Variants in CCSER1 observed in about 807,000 individuals in gnomAD.
The protein encoded by CCSER1 is serine-rich coiled-coil domain-containing protein 1.
In CCSER1, 41 loss-of-function variants were observed where a neutral mutation model predicts 82.0. The ratio of observed to expected loss-of-function variants is 0.50; its 90% CI spans 0.39 to 0.65. CCSER1 has a LOEUF of 0.65. Among genes scored for constraint, CCSER1 ranks in the 30% least tolerant of loss-of-function variants. The pLI is 0.00. For synonymous variants in CCSER1, 414 were observed against 383.9 expected, an observed-to-expected ratio of 1.08 and a Z score of -0.92; for missense variants, 1,119 against 1,064.2, an observed-to-expected ratio of 1.05 and a Z score of -0.72.
chr4:90,263,030 C>T (rs1251942430), intron 1 of CCSER1, among the ~76,000 whole-genome samples: 1 of 152,150 alleles, frequency 6.6e-6, no homozygotes, highest in African/African-American at 2.4e-5. Context: ...ACAAGGGCCC[C>T]TTCTCCAAGA....
chr4:90,686,626 C>G (rs944801487), intron 6 of CCSER1, among the ~76,000 whole-genome samples: 4 of 152,040 alleles, frequency 2.6e-5, no homozygotes, highest in African/African-American at 9.7e-5. Flanking sequence ...TTAGCCTAAG[C>G]ATAACTCTTT....
chr4:90,732,979 C>T (rs1745022122), intron 7 of CCSER1, among the ~76,000 whole-genome samples: 1 of 152,146 alleles, frequency 6.6e-6, no homozygotes, highest in Admixed American at 6.5e-5. Context: ...ACGAATAGTG[C>T]TACAGTAAAC....
chr4:90,881,983 T>C (rs1721399385), intron 8 of CCSER1, among the ~76,000 whole-genome samples: 1 of 152,050 alleles, frequency 6.6e-6, no homozygotes, highest in African/African-American at 2.4e-5. Context: ...GCTCTTGGCC[T>C]GAAGAAATAA....
Position 90,202,281 on chromosome 4 carries a change from C to T in CCSER1, c.-42+74450C>T, listed in dbSNP as rs565838119. Among the ~76,000 whole-genome samples the T allele has an allele frequency of 1.6e-3, 243 of 151,766 alleles. 3 individuals carry two copies. The highest frequency in any genetic ancestry group is 5.5e-3 in the African/African-American group (228 of 41,356). On this transcript the variant is annotated intron_variant, in intron 1 of 10. Transcript: ENST00000509176. Reference sequence around the variant, plus strand: ...GCAGTGGTGCTATCTTGGCTCACTGCAACCTCTGCCTCCCAGGTTCAAGCG... The same window carrying T: ...GCAGTGGTGCTATCTTGGCTCACTGTAACCTCTGCCTCCCAGGTTCAAGCG...
At chr4:90,544,655 T>G (rs1392482718) in intron 5 of CCSER1, among the ~76,000 whole-genome samples, 1 of 151,934 alleles carries the variant, frequency 6.6e-6, no homozygotes, top group Non-Finnish European at 1.5e-5. Flanking sequence ...GAGCTGAAAT[T>G]GTGACTGAAG....
chr4:91,010,268 A>C lies in CCSER1; in HGVS notation c.2173-75682A>C, dbSNP rs530554383. On this transcript the variant is annotated intron_variant, in intron 9 of 10. Coordinates refer to ENST00000509176, the MANE Select transcript of CCSER1 (RefSeq NM_001145065.2). ...CTGGCCTGCAGAGTTTCTGCTGAAA[A>C]ATCCACTGATAGTCTGATGGAGATT... is the stretch of plus-strand genomic sequence containing the variant. 1.1e-4 allele frequency among the ~76,000 whole-genome samples: 16 copies of C among 152,268 alleles called. 1 individual carries two copies. In the South Asian group the frequency reaches 3.3e-3, roughly 32 times the overall value.
chr4:91,104,882 C>A (rs966627774), intron 10 of CCSER1, among the ~76,000 whole-genome samples: 2 of 152,108 alleles, frequency 1.3e-5, no homozygotes, highest in African/African-American at 4.8e-5. Flanking sequence ...TAGAGCCCAG[C>A]CTAACAGCCT....
chr4:91,187,984 A>T lies in CCSER1; in HGVS notation c.2217+101990A>T, dbSNP rs552973469. ...TAAATGTTGCTATGATAGTAACCTT[A>T]TGATTTCCCAATGCAGAATTATCTT... On this transcript the variant is annotated intron_variant, in intron 10 of 10. Coordinates refer to ENST00000509176, the MANE Select transcript of CCSER1 (RefSeq NM_001145065.2). 5.9e-5 allele frequency among the ~76,000 whole-genome samples: 9 copies of T among 152,274 alleles called. No homozygotes were observed. In the South Asian group the frequency reaches 1.9e-3, roughly 32 times the overall value.
chr4:90,493,422 G>T (rs894817865), intron 5 of CCSER1, among the ~76,000 whole-genome samples: 1 of 152,038 alleles, frequency 6.6e-6, no homozygotes, highest in Non-Finnish European at 1.5e-5. Flanking sequence ...ATGCCACAAA[G>T]ATACTCCTCG....
chr4:90,594,409 A>G (rs552719378), intron 5 of CCSER1, among the ~76,000 whole-genome samples: 1 of 152,182 alleles, frequency 6.6e-6, no homozygotes, highest in African/African-American at 2.4e-5. Context: ...ATATGTAGGG[A>G]AGAATTTAAC....
chr4:90,354,747 C>T (rs1203993104), intron 3 of CCSER1, among the ~76,000 whole-genome samples: 1 of 152,012 alleles, frequency 6.6e-6, no homozygotes, highest in Non-Finnish European at 1.5e-5. Context: ...CTACAAGAAC[C>T]AACTAGCATG....
intron 10 of CCSER1, among the ~76,000 whole-genome samples, chr4:91,373,550 T>C (rs1305188694): frequency 6.6e-6 from 1 of 152,184 alleles, no homozygotes; most frequent in East Asian, 1.9e-4. Flanking sequence ...ACATAAATGT[T>C]CTGTGGGTTT....
intron 1 of CCSER1, among the ~76,000 whole-genome samples, chr4:90,303,817 A>C (rs1000967243): frequency 6.6e-6 from 1 of 151,874 alleles, no homozygotes; most frequent in Non-Finnish European, 1.5e-5. Flanking sequence ...TAATTAAACT[A>C]AAGAGCTTCT....
intron 1 of CCSER1, among the ~76,000 whole-genome samples, chr4:90,158,346 G>A (rs1052352060): frequency 6.6e-6 from 1 of 152,192 alleles, no homozygotes; most frequent in African/African-American, 2.4e-5. Flanking sequence ...CACTTGAGGA[G>A]GCCGTCTGCC....
chr4:91,511,471 A>G (rs1230261906), intron 10 of CCSER1, among the ~76,000 whole-genome samples: 1 of 152,040 alleles, frequency 6.6e-6, no homozygotes, highest in Non-Finnish European at 1.5e-5. Flanking sequence ...ATTTTTTCCC[A>G]TTTGTTTGTG....
At chr4:90,568,559 A>T (rs1340483990) in intron 5 of CCSER1, among the ~76,000 whole-genome samples, 1 of 152,138 alleles carries the variant, frequency 6.6e-6, no homozygotes, top group African/African-American at 2.4e-5. Flanking sequence ...TCTACAAGTA[A>T]AGTGAGTCTC....
intron 10 of CCSER1, among the ~76,000 whole-genome samples, chr4:91,280,993 T>C (rs2149202330): frequency 6.6e-6 from 1 of 152,228 alleles, no homozygotes; most frequent in Non-Finnish European, 1.5e-5. Context: ...GCAATGTCAT[T>C]GGGTGGTCTC....
intron 4 of CCSER1, among the ~76,000 whole-genome samples, chr4:90,439,396 T>C (rs1026667484): frequency 6.6e-6 from 1 of 152,202 alleles, no homozygotes; most frequent in African/African-American, 2.4e-5. Context: ...TTATTGTTGT[T>C]ATAAACTTTG....
At chr4:91,293,693 G>T (rs923528920) in intron 10 of CCSER1, among the ~76,000 whole-genome samples, 33 of 151,872 alleles carry the variant, frequency 2.2e-4, no homozygotes, top group African/African-American at 7.5e-4. Flanking sequence ...TGTTGTTTAA[G>T]TTAGAAAGTG....
Sources: allele counts gnomAD v4.1 joint callset (sites outside exome capture counted in the v4.1 genomes callset), GRCh38; gene constraint gnomAD v4.1.1; transcripts MANE v1.5; gene names NCBI Gene and HGNC (gene_info 2026-07-23, HGNC 2026-07-21).